NAV2: variants seen among roughly 807,000 people sequenced by gnomAD.
NAV2 encodes the protein helicase, APC down-regulated 1.
A neutral mutation model predicts 223.2 loss-of-function variants in NAV2; 54 were observed. That is an observed-to-expected ratio of 0.24 (90% confidence interval 0.19 to 0.30). NAV2 has a LOEUF of 0.30. Ranked by LOEUF, NAV2 falls within the 10% of genes least tolerant of loss-of-function variation. The probability of loss-of-function intolerance (pLI) is 1.00; values close to 1 mark genes in which losing one functional copy is unlikely to be tolerated. For synonymous variants in NAV2, 1,279 were observed against 1,239.3 expected (o/e 1.03, Z -0.67); for missense variants, 2,806 against 3,147.5 (o/e 0.89, Z 2.60).
At chr11:19,429,458 C>A (rs1564930052) in intron 1 of NAV2, among the ~76,000 whole-genome samples, 1 of 152,152 alleles carries the variant, frequency 6.6e-6, no homozygotes, top group Non-Finnish European at 1.5e-5. Flanking sequence ...TGCCAGTTAC[C>A]CAGTGAGTGA....
chr11:19,762,802 C>T (rs559672056), intron 1 of NAV2, among the ~76,000 whole-genome samples: 8 of 151,910 alleles, frequency 5.3e-5, no homozygotes, highest in Non-Finnish European at 8.8e-5. Flanking sequence ...TTAGTAGAGA[C>T]GGGGTTTCAC....
At chr11:19,741,691 A>G (rs1290470488) in intron 1 of NAV2, among the ~76,000 whole-genome samples, 3 of 980 alleles carry the variant, frequency 3.1e-3, no homozygotes, top group African/African-American at 3.6e-3. Flanking sequence ...GTGTGTGTAT[A>G]TATATATATA....
intron 36 of NAV2, among the ~76,000 whole-genome samples, chr11:20,110,014 C>A (rs2062489429): frequency 6.6e-6 from 1 of 152,238 alleles, no homozygotes; most frequent in African/African-American, 2.4e-5. Flanking sequence ...AACTCCCCTT[C>A]CCACCTAGGA....
At chr11:19,692,869 T>C (rs1280270616) in intron 1 of NAV2, among the ~76,000 whole-genome samples, 5 of 152,220 alleles carry the variant, frequency 3.3e-5, no homozygotes, top group Admixed American at 3.3e-4. Flanking sequence ...AACAAGCTGA[T>C]AGCATATACA....
chr11:19,980,426 T>C (rs1274308274), intron 10 of NAV2, among the ~76,000 whole-genome samples: 1 of 152,184 alleles, frequency 6.6e-6, no homozygotes, highest in Non-Finnish European at 1.5e-5. Flanking sequence ...GGCATGGGTG[T>C]TCTGAGATTG....
intron 1 of NAV2, among the ~76,000 whole-genome samples, chr11:19,758,483 G>A (rs2054423606): frequency 1.3e-5 from 2 of 152,184 alleles, no homozygotes; most frequent in South Asian, 4.1e-4. Context: ...AGCAGCGACT[G>A]TGATTGCAAG....
intron 10 of NAV2, among the ~76,000 whole-genome samples, chr11:19,959,690 G>C (rs11025343): frequency 0.062 from 9,439 of 152,156 alleles, 519 homozygotes; most frequent in East Asian, 0.28. Flanking sequence ...GCTCTTCCCC[G>C]CATGACTCCT....
chr11:19,508,460 C>T (rs1343646230), intron 1 of NAV2, among the ~76,000 whole-genome samples: 2 of 152,162 alleles, frequency 1.3e-5, no homozygotes, highest in Non-Finnish European at 2.9e-5. Flanking sequence ...GGTACCTTCT[C>T]TCCTCAGGGC....
intron 1 of NAV2, among the ~76,000 whole-genome samples, chr11:19,824,683 C>T (rs1322288230): frequency 6.6e-6 from 1 of 152,114 alleles, no homozygotes; most frequent in Non-Finnish European, 1.5e-5. Context: ...TGGGAAAAAG[C>T]CACCAGCTAA....
intron 1 of NAV2, among the ~76,000 whole-genome samples, chr11:19,492,448 G>A (rs556995814): frequency 3.9e-5 from 6 of 152,042 alleles, no homozygotes; most frequent in East Asian, 3.9e-4. Context: ...CACTTTCTTC[G>A]TCTCCTCATC....
At chr11:19,671,893 G>A (rs2048580565) in intron 1 of NAV2, among the ~76,000 whole-genome samples, 1 of 152,156 alleles carries the variant, frequency 6.6e-6, no homozygotes, top group African/African-American at 2.4e-5. Context: ...CTTAGCACTG[G>A]TCTACATGTG....
intron 1 of NAV2, among the ~76,000 whole-genome samples, chr11:19,687,910 C>G (rs2049068408): frequency 6.6e-6 from 1 of 152,154 alleles, no homozygotes; most frequent in Non-Finnish European, 1.5e-5. Flanking sequence ...GAAAGAAGGT[C>G]ATGCTTAGGG....
At position 20,118,191 on chromosome 11, in the gene NAV2, A is replaced by G; in HGVS notation, c.7223A>G (p.Asp2408Gly). 1.2e-6 allele frequency: 2 copies of G among 1,614,030 alleles called. No individual in the cohort carries two copies. The highest frequency in any genetic ancestry group is 1.7e-6 in the Non-Finnish European group (2 of 1,179,980). The change falls in exon 38 of 38, where the codon GAC (aspartate) becomes GGC (glycine). Residue 2408 changes from aspartate (D) to glycine (G), a missense_variant. Asp to Gly is a moderately conservative substitution (Grantham distance 94). Around this residue, in one of 4 missense-constraint regions of NAV2, gnomAD observed 824 missense variants for 1,069.4 expected, o/e 0.77. Transcript: ENST00000349880. Reference protein sequence around the residue: ...AANYSSPQSYDSDSNSNSHHD... With the variant: ...AANYSSPQSYGSDSNSNSHHD... ...AACTACTCCAGCCCCCAGAGCTATG[A>G]CAGCGACTCCAACAGCAACAGCCAT...
At chr11:19,767,872 T>G (rs1185523159) in intron 1 of NAV2, among the ~76,000 whole-genome samples, 1 of 152,238 alleles carries the variant, frequency 6.6e-6, no homozygotes, top group African/African-American at 2.4e-5. Context: ...CCCCCTAGGC[T>G]TCCTTCAGGA....
chr11:20,000,291 T>C (rs2052415236), intron 11 of NAV2, among the ~76,000 whole-genome samples: 1 of 152,174 alleles, frequency 6.6e-6, no homozygotes, highest in African/African-American at 2.4e-5. Context: ...AAACAGAACA[T>C]GAAAGGGTTT....
chr11:19,345,609 C>G, the NAV2 span, among the ~76,000 whole-genome samples: 1 of 152,210 alleles, frequency 6.6e-6, no homozygotes, highest in Non-Finnish European at 1.5e-5. This position sits in a 1 kb window ranked among gnomAD's most constrained non-coding sequence, Gnocchi z 5.2. Context: ...CATAGCCACC[C>G]GTGCGCGATG....
chr11:20,048,725 C>T lies in NAV2; in HGVS notation c.3903-3C>T, dbSNP rs1487460101. The T allele has an allele frequency of 6.2e-7, 1 of 1,613,164 alleles. No individual in the cohort carries two copies. The highest frequency in any genetic ancestry group is 1.3e-5 in the African/African-American group (1 of 74,906). ...ACCTACACAACCCTTTGTCTCTTCACAGACTCTTTGGTGGGAAGCCTACCA... is the reference window on the plus strand; with the variant it reads ...ACCTACACAACCCTTTGTCTCTTCATAGACTCTTTGGTGGGAAGCCTACCA... On this transcript the variant is annotated splice_polypyrimidine_tract_variant and splice_region_variant and intron_variant, in intron 14 of 37. Coordinates refer to ENST00000349880, the MANE Select transcript of NAV2 (RefSeq NM_145117.5).
intron 35 of NAV2, among the ~76,000 whole-genome samples, chr11:20,106,650 T>G (rs1313881206): frequency 6.6e-6 from 1 of 152,050 alleles, no homozygotes; most frequent in Non-Finnish European, 1.5e-5. Flanking sequence ...TGTTTTTGTT[T>G]TTGTTTTTTG....
At chr11:19,925,280 G>T (rs915475278) in intron 6 of NAV2, among the ~76,000 whole-genome samples, 13 of 152,066 alleles carry the variant, frequency 8.5e-5, no homozygotes. Flanking sequence ...TTTAATTTCC[G>T]TGAATCCAAC....
Sources: allele counts gnomAD v4.1 joint callset (sites outside exome capture counted in the v4.1 genomes callset), GRCh38; gene constraint gnomAD v4.1.1; regional missense constraint gnomAD v4.1.1; non-coding constraint Gnocchi (gnomAD v3.1); transcripts MANE v1.5; gene names NCBI Gene and HGNC (gene_info 2026-07-23, HGNC 2026-07-21).